Variants in EEFSEC observed in about 807,000 individuals in gnomAD.
The protein encoded by EEFSEC is eukaryotic elongation factor, selenocysteine-tRNA specific.
Under a neutral mutation model 42.1 loss-of-function variants are expected in EEFSEC, and 43 were observed. That is an observed-to-expected ratio of 1.02 (90% CI 0.80 to 1.32). The LOEUF is 1.32. Among genes scored for constraint, EEFSEC ranks in the 40% most tolerant of loss-of-function variants. The pLI is 0.00. For synonymous variants in EEFSEC, 354 were observed against 339.1 expected (o/e 1.04, Z -0.48); for missense variants, 745 against 803.6 (o/e 0.93, Z 0.88).
In EEFSEC at chr3:128,377,596, C is replaced by G. The variant is rs72977356; in HGVS notation, c.1600+19223C>G. 7.5e-4 allele frequency among the ~76,000 whole-genome samples: 115 copies of G among 152,358 alleles called. 1 individual carries two copies. The highest frequency in any genetic ancestry group is 2.7e-3 in the African/African-American group (112 of 41,582). On this transcript the variant is annotated intron_variant, in intron 6 of 6. Coordinates refer to ENST00000254730, the MANE Select transcript of EEFSEC (RefSeq NM_021937.5). ...GTAACAGTAACCAACCTTGCCAAGG[C>G]CTTAATGGGCTACCTAAGCATCTGT...
chr3:128,156,327 A>G lies in EEFSEC; in HGVS notation c.316+2504A>G, dbSNP rs72983600. 4.5e-3 allele frequency among the ~76,000 whole-genome samples: 684 copies of G among 152,330 alleles called. 6 individuals carry two copies. The highest frequency in any genetic ancestry group is 0.016 in the African/African-American group (652 of 41,574). On this transcript the variant is annotated intron_variant, in intron 1 of 6. Coordinates refer to ENST00000254730, the MANE Select transcript of EEFSEC (RefSeq NM_021937.5). The stretch of plus-strand genomic sequence containing the variant: ...GTGGTTACCATTTAATAGTTGAGAA[A>G]ATTGGGACTTAGGGAGGCAGGTAGT...
At chr3:128,245,409 G>A (rs1276289202) in intron 1 of EEFSEC, among the ~76,000 whole-genome samples, 1 of 152,232 alleles carries the variant, frequency 6.6e-6, no homozygotes, top group Non-Finnish European at 1.5e-5. Flanking sequence ...GGGCCCTCCT[G>A]CCCCTTGACC....
intron 6 of EEFSEC, among the ~76,000 whole-genome samples, chr3:128,392,720 G>T (rs756196379): frequency 1.3e-5 from 2 of 152,144 alleles, no homozygotes; most frequent in Non-Finnish European, 2.9e-5. Context: ...AACCACTCCC[G>T]CCTCACCCCT....
At chr3:128,420,631 C>A in the EEFSEC span, among the ~76,000 whole-genome samples, 2 of 152,230 alleles carry the variant, frequency 1.3e-5, no homozygotes, top group African/African-American at 4.8e-5. Flanking sequence ...TCATCAGCTC[C>A]TTTTCCTGGG....
At chr3:128,411,261 C>T (rs1487007783), downstream of EEFSEC, among the ~76,000 whole-genome samples, 3 of 152,194 alleles carry the variant, frequency 2.0e-5, no homozygotes, top group African/African-American at 4.8e-5. Flanking sequence ...ACCCCAGGCC[C>T]GCGTGTTTTA....
chr3:128,273,616 C>T (rs1222719297), intron 4 of EEFSEC, among the ~76,000 whole-genome samples: 3 of 152,226 alleles, frequency 2.0e-5, no homozygotes, highest in South Asian at 2.1e-4. Context: ...GGAGTCCTGA[C>T]CTGCAGTCAG....
At chr3:128,425,911 G>T in the EEFSEC span, among the ~76,000 whole-genome samples, 2 of 152,126 alleles carry the variant, frequency 1.3e-5, no homozygotes, top group Non-Finnish European at 2.9e-5. Flanking sequence ...AGATCCGGGG[G>T]AAGGGTTTCC....
At chr3:128,326,613 A>T (rs935694059) in intron 4 of EEFSEC, among the ~76,000 whole-genome samples, 5 of 152,050 alleles carry the variant, frequency 3.3e-5, no homozygotes, top group Non-Finnish European at 7.4e-5. Flanking sequence ...TCCTCCCAGC[A>T]CCTGACCCCT....
intron 4 of EEFSEC, among the ~76,000 whole-genome samples, chr3:128,320,213 C>T (rs531083289): frequency 6.6e-6 from 1 of 152,344 alleles, no homozygotes; most frequent in African/African-American, 2.4e-5. Flanking sequence ...GGCTTGTAGG[C>T]TTCAAGGGCA....
intron 1 of EEFSEC, among the ~76,000 whole-genome samples, chr3:128,160,269 G>A (rs1453469454): frequency 6.6e-6 from 1 of 152,252 alleles, no homozygotes; most frequent in Non-Finnish European, 1.5e-5. Flanking sequence ...GGCAAAAGCA[G>A]GAGTAACTCA....
intron 4 of EEFSEC, among the ~76,000 whole-genome samples, chr3:128,325,461 G>C: frequency 6.6e-6 from 1 of 152,196 alleles, no homozygotes; most frequent in East Asian, 1.9e-4. Context: ...GGTGAGGTTG[G>C]AGAGAGTGGT....
the EEFSEC span, among the ~76,000 whole-genome samples, chr3:128,414,742 G>A: frequency 2.0e-5 from 3 of 152,182 alleles, no homozygotes; most frequent in African/African-American, 2.4e-5. Context: ...CATCACCAGC[G>A]ACCTGCTCAG....
intron 4 of EEFSEC, among the ~76,000 whole-genome samples, chr3:128,331,609 C>G (rs951637740): frequency 1.3e-5 from 2 of 151,940 alleles, no homozygotes; most frequent in Non-Finnish European, 2.9e-5. Flanking sequence ...GAGCACCTGG[C>G]TCACATAGTG....
downstream of EEFSEC, among the ~76,000 whole-genome samples, chr3:128,410,948 G>A (rs1048623389): frequency 3.3e-5 from 5 of 152,218 alleles, no homozygotes; most frequent in Admixed American, 1.3e-4. Flanking sequence ...AGGGAGGAGG[G>A]GCAGCCCAGG....
At chr3:128,285,108 C>T (rs965139885) in intron 4 of EEFSEC, among the ~76,000 whole-genome samples, 14 of 151,908 alleles carry the variant, frequency 9.2e-5, no homozygotes, top group Admixed American at 2.0e-4. Flanking sequence ...TGGGAGAGAA[C>T]AGGCTGGGCT....
chr3:128,361,145 G>T (rs1373019467), intron 6 of EEFSEC, among the ~76,000 whole-genome samples: 3 of 152,164 alleles, frequency 2.0e-5, no homozygotes, highest in African/African-American at 7.2e-5. Flanking sequence ...GGGCCTCGCT[G>T]CCGGCTCTAC....
chr3:128,375,801 G>A (rs2067703511), intron 6 of EEFSEC, among the ~76,000 whole-genome samples: 1 of 152,214 alleles, frequency 6.6e-6, no homozygotes, highest in Admixed American at 6.5e-5. Flanking sequence ...GCTCCCAAGT[G>A]GAAGGTCTTT....
At chr3:128,420,060 A>G in the EEFSEC span, among the ~76,000 whole-genome samples, 1 of 152,178 alleles carries the variant, frequency 6.6e-6, no homozygotes, top group Non-Finnish European at 1.5e-5. Context: ...AGAGACATGG[A>G]GACGGGAAGA....
downstream of EEFSEC, among the ~76,000 whole-genome samples, chr3:128,409,615 G>A (rs1317573557): frequency 6.6e-6 from 1 of 152,240 alleles, no homozygotes; most frequent in African/African-American, 2.4e-5. Context: ...GGCCCTGGAG[G>A]AACGTGAGAG....
Sources: gnomAD v4.1 joint callset for allele counts (sites outside exome capture counted in the v4.1 genomes callset) on GRCh38, gnomAD v4.1.1 for gene constraint, MANE v1.5 for transcripts, NCBI Gene and HGNC (gene_info 2026-07-23, HGNC 2026-07-21) for gene names.